SLC12A5: variants seen among roughly 807,000 people sequenced by gnomAD.
SLC12A5 encodes K-Cl cotransporter 2.
A neutral mutation model predicts 124.0 loss-of-function variants in SLC12A5; 18 were observed. The observed-to-expected ratio is 0.15, with a 90% CI of 0.10 to 0.22. The LOEUF is 0.22. SLC12A5 is among the 10% of genes least tolerant of loss of function. The probability of loss-of-function intolerance (pLI) is 1.00; values close to 1 mark genes in which losing one functional copy is unlikely to be tolerated. For missense variants in SLC12A5, 867 were observed against 1,478.7 expected (o/e 0.59, Z 6.78); for synonymous variants, 589 against 568.0 (o/e 1.04, Z -0.53).
rs2084722212 is a variant in SLC12A5 at position 46,058,801 on chromosome 20, T to C, written c.*1196T>C. On this transcript the variant is annotated 3_prime_UTR_variant, in exon 26 of 26. Coordinates refer to ENST00000243964, the MANE Select transcript of SLC12A5 (RefSeq NM_020708.5). The surrounding 1 kb of genome is among the most constrained non-coding windows in gnomAD (Gnocchi z 5.8). ...CACTGAGAGGCCCCAGAGCCGCCCG[T>C]GATGTTCCTCCCCCGTCCCCATCTG... is the stretch of plus-strand genomic sequence containing the variant. The C allele has an allele frequency of 1.0e-5, 4 of 397,904 alleles. No homozygotes were observed. The allele number at this position is 397,904 out of a possible 1,614,324, so 24.6% of individuals were successfully genotyped here. A position where few individuals can be genotyped will look rare whatever the true frequency, so the allele number is the denominator to read the frequency against.
upstream of SLC12A5, chr20:46,029,176 G>A (rs549305463): frequency 2.6e-4 from 368 of 1,426,120 alleles, 2 homozygotes; most frequent in South Asian, 5.2e-3. Flanking sequence ...GTGTGAGCGT[G>A]TGTCCGTGTG....
chr20:46,045,982 C>G lies in SLC12A5; in HGVS notation c.1674C>G (p.Ala558=), dbSNP rs958665291. 6.2e-7 allele frequency: 1 copy of G among 1,614,086 alleles called. No homozygotes were observed. Among genetic ancestry groups the G allele is most frequent in the African/African-American group, 1.3e-5 (1 of 75,028 alleles). The change falls in exon 13 of 26, where the codon GCC becomes GCG. Residue 558 remains alanine, a synonymous_variant. Transcript: ENST00000243964. The surrounding 1 kb of genome is among the most constrained non-coding windows in gnomAD (Gnocchi z 4.9). ...TCATTGCATCCCTCGACGAGGTGGCCCCCATCCTCTCTATGTGCGTGCCTG... is the reference window on the plus strand; with the variant it reads ...TCATTGCATCCCTCGACGAGGTGGCGCCCATCCTCTCTATGTGCGTGCCTG... ...GILIASLDEV[A]PILSMFFLMC...
chr20:46,023,719 C>A, downstream of SLC12A5: 1 of 306,514 alleles, frequency 3.3e-6, no homozygotes, highest in Non-Finnish European at 6.0e-6. Context: ...TTTCAGTTTC[C>A]TCTTCGGCCC....
chr20:46,033,063 A>C (rs537687139), intron 1 of SLC12A5, among the ~76,000 whole-genome samples: 2 of 152,290 alleles, frequency 1.3e-5, no homozygotes, highest in African/African-American at 4.8e-5. Flanking sequence ...TGGTGGCAGA[A>C]GACTGGGTGG....
rs1320909377 is a variant in SLC12A5 at position 46,056,021 on chromosome 20, C to T, written c.2788-129C>T. On this transcript the variant is annotated intron_variant, in intron 21 of 25. Transcript: ENST00000243964. This position sits in a 1 kb window ranked among gnomAD's most constrained non-coding sequence, Gnocchi z 4.3. Reference sequence around the variant, plus strand: ...GTAGCTATTTGGTCTCAAATCATAGCAATATTTTAACAACTGGTACAGTTC... The same window carrying T: ...GTAGCTATTTGGTCTCAAATCATAGTAATATTTTAACAACTGGTACAGTTC... 3 of 1,318,546 alleles carry T rather than the reference C, an allele frequency of 2.3e-6. No individual in the cohort carries two copies. In the East Asian group the frequency reaches 7.5e-5, roughly 33 times the overall value. The allele number at this position is 1,318,546 out of a possible 1,614,324, so 81.7% of individuals were successfully genotyped here.
rs1458558604 is a variant in SLC12A5, at chr20:46,022,978, GAGGAGGAGGAGGAA to G, written c.98_111del (p.Gly34ArgfsTer92). ...GGAGGAGGAGGAGGAGGAGGAGGAAGAGGAGGAGGAGGAAGAGGAGGAGGAAGAGGAGGAGGAGG... is the reference window on the plus strand; with the variant it reads ...GGAGGAGGAGGAGGAGGAGGAGGAAGGAGGAGGAGGAAGAGGAGGAGGAGG... On this transcript the variant is annotated frameshift_variant, in exon 2 of 3. Coordinates refer to the SLC12A5 transcript ENST00000413737. LOFTEE classifies it high-confidence loss of function. 4,873 of 386,862 alleles carry G rather than the reference GAGGAGGAGGAGGAA, an allele frequency of 0.013. 48 individuals are homozygous for G. The highest frequency in any genetic ancestry group is 0.075 in the Admixed American group (1,546 of 20,520). 24.0% of individuals were successfully genotyped at this position (386,862 alleles called of 1,614,324 possible).
chr20:46,021,904 C>T (rs2145463908), intron 1 of SLC12A5: 14 of 1,507,212 alleles, frequency 9.3e-6, no homozygotes, highest in Non-Finnish European at 1.1e-5. Flanking sequence ...CCGCAGGGGG[C>T]GGGGCCTGCC....
At position 46,059,571 on chromosome 20, in the gene SLC12A5, G is replaced by C. The variant is rs1339644989; in HGVS notation, c.*1966G>C. ...GGGGGCTGTATCAACATCAATTAGGGAACCAAAGTTGCACTATCTGGGCCC... is the reference window on the plus strand; with the variant it reads ...GGGGGCTGTATCAACATCAATTAGGCAACCAAAGTTGCACTATCTGGGCCC... On this transcript the variant is annotated 3_prime_UTR_variant, in exon 26 of 26. Coordinates refer to ENST00000243964, the MANE Select transcript of SLC12A5 (RefSeq NM_020708.5). 4 of 399,052 alleles carry C rather than the reference G, an allele frequency of 1.0e-5. No individual in the cohort carries two copies. Among genetic ancestry groups the C allele is most frequent in the Non-Finnish European group, 1.3e-5 (3 of 226,066 alleles). 24.7% of individuals were successfully genotyped at this position (399,052 alleles called of 1,614,324 possible). A position where few individuals can be genotyped will look rare whatever the true frequency, so the allele number is the denominator to read the frequency against.
Position 46,044,955 on chromosome 20 carries a change from C to T in SLC12A5, c.1395-11C>T, listed in dbSNP as rs766568513. On this transcript the variant is annotated splice_polypyrimidine_tract_variant and intron_variant, in intron 11 of 25. Coordinates refer to ENST00000243964, the MANE Select transcript of SLC12A5 (RefSeq NM_020708.5). The stretch of plus-strand genomic sequence containing the variant: ...CTGCTCACCTGGCATCTCCTGTCCA[C>T]ATCATTCCAGGTTTGGCGAAGCTGT... 2.5e-6 allele frequency: 4 copies of T among 1,614,218 alleles called. No individual in the cohort carries two copies. In the East Asian group the frequency reaches 6.7e-5, roughly 27 times the overall value.
chr20:46,024,354 A>G (rs556871211), upstream of SLC12A5, among the ~76,000 whole-genome samples: 5 of 152,270 alleles, frequency 3.3e-5, no homozygotes, highest in East Asian at 9.6e-4. Context: ...CATCTGGACA[A>G]TGATTTGGGT....
intron 1 of SLC12A5, 27 bp from the exon 2 acceptor site, chr20:46,034,921 A>G (rs771557663): frequency 2.5e-6 from 4 of 1,609,772 alleles, no homozygotes; most frequent in South Asian, 1.1e-5. Flanking sequence ...GATTGGTTCC[A>G]GATCCCTGAC....
At chr20:46,050,906 TG>T (rs1384727716) in intron 17 of SLC12A5, among the ~76,000 whole-genome samples, 3 of 152,222 alleles carry the variant, frequency 2.0e-5, no homozygotes, top group Non-Finnish European at 4.4e-5. Flanking sequence ...CTAAGCCCTA[TG>T]TGCATGATGA....
chr20:46,052,371 T>C (rs764682736), intron 18 of SLC12A5, among the ~76,000 whole-genome samples: 2 of 152,260 alleles, frequency 1.3e-5, no homozygotes, highest in African/African-American at 2.4e-5. Context: ...TATCTCCATC[T>C]TTTTTGATGT....
At chr20:46,023,617 T>C (rs2084373839), downstream of SLC12A5, 1 of 396,204 alleles carries the variant, frequency 2.5e-6, no homozygotes, top group Non-Finnish European at 4.4e-6. Flanking sequence ...CTTCTGGTGT[T>C]CTTGTCCACA....
chr20:46,023,802 G>T (rs2084375384), downstream of SLC12A5, among the ~76,000 whole-genome samples: 1 of 151,870 alleles, frequency 6.6e-6, no homozygotes, highest in Non-Finnish European at 1.5e-5. Flanking sequence ...ATCCTCCATT[G>T]GAACATCTCA....
chr20:46,058,803 A>T lies in SLC12A5; in HGVS notation c.*1198A>T. Reference sequence around the variant, plus strand: ...CTGAGAGGCCCCAGAGCCGCCCGTGATGTTCCTCCCCCGTCCCCATCTGGC... The same window carrying T: ...CTGAGAGGCCCCAGAGCCGCCCGTGTTGTTCCTCCCCCGTCCCCATCTGGC... On this transcript the variant is annotated 3_prime_UTR_variant, in exon 26 of 26. Coordinates refer to ENST00000243964, the MANE Select transcript of SLC12A5 (RefSeq NM_020708.5). The surrounding 1 kb of genome is among the most constrained non-coding windows in gnomAD (Gnocchi z 5.8). 1 of 397,922 alleles carries T rather than the reference A, an allele frequency of 2.5e-6. No homozygotes were observed. The highest frequency in any genetic ancestry group is 4.4e-6 in the Non-Finnish European group (1 of 226,040). The allele number at this position is 397,922 out of a possible 1,614,324, so 24.6% of individuals were successfully genotyped here.
intron 6 of SLC12A5, chr20:46,038,245 C>T (rs1440987293): frequency 1.3e-5 from 2 of 152,130 alleles, no homozygotes; most frequent in African/African-American, 4.8e-5. Flanking sequence ...GTTGCCCAGG[C>T]TGGAGGGCAG....
At chr20:46,048,735 G>A (rs1020748534) in intron 16 of SLC12A5, among the ~76,000 whole-genome samples, 22 of 152,202 alleles carry the variant, frequency 1.4e-4, no homozygotes, top group African/African-American at 5.3e-4. Context: ...GCCAGGCATG[G>A]TGGCGTGCAC....
Position 46,056,439 on chromosome 20 carries a change from G to A in SLC12A5, c.2985G>A (p.Gly995=), listed in dbSNP as rs2145508040. The part of the protein sequence containing the change: ...SSPSPGEEPE[G]EGETDPEKVH... ...CGTCCCCAGGGGAGGAGCCTGAGGG[G>A]GAAGGGGAGACAGATCCGGAGAAGG... The change falls in exon 23 of 26, where the codon GGG becomes GGA. Residue 995 remains glycine, a synonymous_variant. Coordinates refer to ENST00000243964, the MANE Select transcript of SLC12A5 (RefSeq NM_020708.5). This position sits in a 1 kb window ranked among gnomAD's most constrained non-coding sequence, Gnocchi z 4.3. 3 of 1,614,114 alleles carry A rather than the reference G, an allele frequency of 1.9e-6. No homozygotes were observed. Among genetic ancestry groups the A allele is most frequent in the Non-Finnish European group, 2.5e-6 (3 of 1,179,982 alleles).
Sources: allele counts gnomAD v4.1 joint callset (sites outside exome capture counted in the v4.1 genomes callset), GRCh38; gene constraint gnomAD v4.1.1; non-coding constraint Gnocchi (gnomAD v3.1); transcripts MANE v1.5; gene names NCBI Gene and HGNC (gene_info 2026-07-23, HGNC 2026-07-21).